The following ATP2A2 variants were observed in gnomAD, a reference collection of about 807,000 sequenced individuals.
ATP2A2 encodes the protein sarcoplasmic/endoplasmic reticulum calcium ATPase 2.
Under a neutral mutation model 109.3 loss-of-function variants are expected in ATP2A2, and 14 were observed. The ratio of observed to expected loss-of-function variants is 0.13; its 90% CI spans 0.08 to 0.20. The LOEUF is 0.20. ATP2A2 is among the 10% of genes least tolerant of loss of function. ATP2A2 has a pLI of 1.00. For synonymous variants in ATP2A2, 506 were observed against 490.9 expected, an observed-to-expected ratio of 1.03 and a Z score of -0.41; for missense variants, 657 against 1,321.6, an observed-to-expected ratio of 0.50 and a Z score of 7.80.
chr12:110,314,127 G>A (rs181355123), intron 5 of ATP2A2, among the ~76,000 whole-genome samples: 1,672 of 151,924 alleles, frequency 0.011, 16 homozygotes, highest in Middle Eastern at 0.017. Flanking sequence ...TCAGGAGTTC[G>A]AGACTAGCCT....
rs1196210074 is a variant in ATP2A2 at position 110,344,877 on chromosome 12, T to G, written c.2522-9T>G. 1 of 1,614,166 alleles carries G rather than the reference T, an allele frequency of 6.2e-7. No individual in the cohort carries two copies. Among genetic ancestry groups the G allele is most frequent in the East Asian group, 2.2e-5 (1 of 44,884 alleles). On this transcript the variant is annotated splice_polypyrimidine_tract_variant and intron_variant, in intron 16 of 19. Coordinates refer to ENST00000539276, the MANE Select transcript of ATP2A2 (RefSeq NM_170665.4). Reference sequence around the variant, plus strand: ...GCAAGTGCATCAGCATCACTGTGTTTGTTCCCAGGTTACGTCGGCGCTGCT... The same window carrying G: ...GCAAGTGCATCAGCATCACTGTGTTGGTTCCCAGGTTACGTCGGCGCTGCT...
intron 8 of ATP2A2, among the ~76,000 whole-genome samples, chr12:110,328,454 A>G (rs900880108): frequency 1.3e-5 from 2 of 152,138 alleles, no homozygotes; most frequent in African/African-American, 2.4e-5. Context: ...CTGTAGTCCC[A>G]GCTACTCGAG....
At position 110,298,036 on chromosome 12, in the gene ATP2A2, A is replaced by G. The variant is rs79812903; in HGVS notation, c.463+1299A>G. On this transcript the variant is annotated intron_variant, in intron 5 of 19. Transcript: ENST00000539276. Reference sequence around the variant, plus strand: ...TTATTCAGATTATCTGGCTTTTCATACCCTTCTGAGTTAAGTATACTATTT... The same window carrying G: ...TTATTCAGATTATCTGGCTTTTCATGCCCTTCTGAGTTAAGTATACTATTT... 3.5e-3 allele frequency among the ~76,000 whole-genome samples: 525 copies of G among 152,154 alleles called. 5 individuals carry two copies. The highest frequency in any genetic ancestry group is 5.9e-3 in the African/African-American group (245 of 41,508).
chr12:110,302,951 C>T (rs1874843197), intron 5 of ATP2A2, among the ~76,000 whole-genome samples: 1 of 152,140 alleles, frequency 6.6e-6, no homozygotes. Flanking sequence ...TTAAGTGCTG[C>T]TTGCTTTCGT....
intron 17 of ATP2A2, 41 bp from the exon 18 acceptor site, chr12:110,345,208 A>T (rs1325101462): frequency 6.2e-7 from 1 of 1,613,980 alleles, no homozygotes; most frequent in South Asian, 1.1e-5. Flanking sequence ...GACTTGGGAA[A>T]TATACTGGGC....
At position 110,348,387 on chromosome 12, in the gene ATP2A2, G is replaced by T. The variant is rs979468464; in HGVS notation, c.*1917G>T. On this transcript the variant is annotated 3_prime_UTR_variant, in exon 20 of 20. Coordinates refer to ENST00000539276, the MANE Select transcript of ATP2A2 (RefSeq NM_170665.4). ...AAAACCAGCTTACTCCTTAGCCAGG[G>T]TGTGAGGCCTCGACTATATTCTTCA... 1.0e-6 allele frequency: 1 copy of T among 985,432 alleles called. No individual in the cohort carries two copies. The highest frequency in any genetic ancestry group is 5.2e-4 in the Middle Eastern group (1 of 1,914). The allele number at this position is 985,432 out of a possible 1,614,324, so 61.0% of individuals were successfully genotyped here.
At chr12:110,345,770 G>A in intron 18 of ATP2A2, 3 of 626,000 alleles carry the variant, frequency 4.8e-6, no homozygotes, top group Non-Finnish European at 8.6e-6. Context: ...GAACAGCTTT[G>A]AACCCACTAA....
At chr12:110,317,117 G>A (rs1333196653) in intron 5 of ATP2A2, among the ~76,000 whole-genome samples, 1 of 152,126 alleles carries the variant, frequency 6.6e-6, no homozygotes, top group East Asian at 1.9e-4. Context: ...ATTTCATTCA[G>A]TCTCTGCTAA....
At chr12:110,280,624 C>T (rs1205073814), upstream of ATP2A2, 2 of 152,376 alleles carry the variant, frequency 1.3e-5, no homozygotes, top group Non-Finnish European at 2.9e-5. Context: ...CCAGAACCCG[C>T]TGGGGAAGAA....
chr12:110,300,827 G>C (rs1874551640), intron 5 of ATP2A2, among the ~76,000 whole-genome samples: 1 of 151,916 alleles, frequency 6.6e-6, no homozygotes, highest in Non-Finnish European at 1.5e-5. Flanking sequence ...AGGAGAGTGT[G>C]TAAATCAAAG....
At chr12:110,318,852 A>C (rs959609471) in intron 5 of ATP2A2, among the ~76,000 whole-genome samples, 1 of 152,202 alleles carries the variant, frequency 6.6e-6, no homozygotes, top group Non-Finnish European at 1.5e-5. Context: ...AATTAAACAT[A>C]GAAACTCTAA....
intron 11 of ATP2A2, among the ~76,000 whole-genome samples, chr12:110,338,160 C>A (rs1200318899): frequency 2.0e-5 from 3 of 152,230 alleles, no homozygotes; most frequent in Admixed American, 2.0e-4. Flanking sequence ...TAGTCCTCAG[C>A]CATTTCTGTC....
intron 3 of ATP2A2, 84 bp downstream of exon 3, chr12:110,282,879 G>A: frequency 8.5e-7 from 1 of 1,171,198 alleles, no homozygotes; most frequent in Non-Finnish European, 1.2e-6. Flanking sequence ...GATGTCCATT[G>A]GGTGAAAACA....
Position 110,342,430 on chromosome 12 carries a change from A to G in ATP2A2, c.2300A>G (p.Asn767Ser), listed in dbSNP as rs121912732. 2 of 1,613,678 alleles carry G rather than the reference A, an allele frequency of 1.2e-6. No homozygotes were observed. Among genetic ancestry groups the G allele is most frequent in the East Asian group, 2.2e-5 (1 of 44,884 alleles). Residue 767 changes from asparagine to serine, a missense_variant, in exon 15 of 20, where the codon AAC becomes AGC. Physicochemically the swap from Asn to Ser is conservative, Grantham distance 46. Around this residue, in one of 9 missense-constraint regions of ATP2A2, gnomAD observed 50 missense variants for 176.9 expected, o/e 0.28. Coordinates refer to ENST00000539276, the MANE Select transcript of ATP2A2 (RefSeq NM_170665.4). The surrounding 1 kb of genome is among the most constrained non-coding windows in gnomAD (Gnocchi z 4.6). ...TTCATCCGCTACCTCATCTCGTCCA[A>G]CGTCGGGGAAGTTGTCTGGTAGGTC... ...KQFIRYLISS[N>S]VGEVVCIFLT...
chr12:110,337,674 G>A (rs1263123261), intron 11 of ATP2A2, among the ~76,000 whole-genome samples: 1 of 152,226 alleles, frequency 6.6e-6, no homozygotes, highest in African/African-American at 2.4e-5. Context: ...ATTTTTAAAT[G>A]TGTGTCAGTG....
At chr12:110,291,548 T>C (rs1424838718) in intron 3 of ATP2A2, among the ~76,000 whole-genome samples, 1 of 151,948 alleles carries the variant, frequency 6.6e-6, no homozygotes, top group Non-Finnish European at 1.5e-5. Context: ...GAACAAGACA[T>C]AGCCAGTTGT....
At chr12:110,298,932 A>G (rs967745382) in intron 5 of ATP2A2, among the ~76,000 whole-genome samples, 17 of 152,130 alleles carry the variant, frequency 1.1e-4, no homozygotes, top group African/African-American at 3.6e-4. Flanking sequence ...AATTGATGCA[A>G]TAGTATGTAA....
At chr12:110,321,213 G>A (rs1008916467) in intron 5 of ATP2A2, among the ~76,000 whole-genome samples, 1 of 152,228 alleles carries the variant, frequency 6.6e-6, no homozygotes, top group African/African-American at 2.4e-5. Flanking sequence ...GGGTGATAGA[G>A]CAAGACTCTG....
At position 110,346,065 on chromosome 12, in the gene ATP2A2, A is replaced by G; in HGVS notation, c.2806A>G (p.Ile936Val). The G allele has an allele frequency of 6.2e-7, 1 of 1,614,154 alleles. No individual in the cohort carries two copies. The highest frequency in any genetic ancestry group is 1.1e-5 in the South Asian group (1 of 91,078). Reference sequence around the variant, plus strand: ...GGAGAACATCTGGCTCGTGGGCTCCATCTGCCTGTCCATGTCACTCCACTT... The same window carrying G: ...GGAGAACATCTGGCTCGTGGGCTCCGTCTGCCTGTCCATGTCACTCCACTT... Reference protein sequence around the residue: ...PWENIWLVGSICLSMSLHFLI... With the variant: ...PWENIWLVGSVCLSMSLHFLI... The change falls in exon 19 of 20, where the codon ATC becomes GTC. Residue 936 changes from isoleucine to valine, a missense_variant. Physicochemically the swap from Ile to Val is conservative, Grantham distance 29. Coordinates refer to ENST00000539276, the MANE Select transcript of ATP2A2 (RefSeq NM_170665.4).
Sources: gnomAD v4.1 joint callset for allele counts (sites outside exome capture counted in the v4.1 genomes callset) on GRCh38, gnomAD v4.1.1 for gene constraint, gnomAD v4.1.1 regional missense constraint, Gnocchi (gnomAD v3.1) non-coding constraint, MANE v1.5 for transcripts, NCBI Gene and HGNC (gene_info 2026-07-23, HGNC 2026-07-21) for gene names.